The following MGAM variants were observed in gnomAD, a reference collection of about 807,000 sequenced individuals.
The protein encoded by MGAM is alpha-1,4-glucosidase.
Under a neutral mutation model 358.8 loss-of-function variants are expected in MGAM, and 253 were observed. That is an observed-to-expected ratio of 0.71 (90% CI 0.64 to 0.78). MGAM has a LOEUF of 0.78. Ranked by LOEUF, MGAM falls within the 30% of genes least tolerant of loss-of-function variation. The probability of loss-of-function intolerance (pLI) is 0.00; values close to 1 mark genes in which losing one functional copy is unlikely to be tolerated. For synonymous variants in MGAM, 1,105 were observed against 1,227.1 expected, an observed-to-expected ratio of 0.90 and a Z score of 2.08; for missense variants, 3,080 against 3,432.6, an observed-to-expected ratio of 0.90 and a Z score of 2.57.
chr7:141,993,480 G>C (rs1804030878), upstream of MGAM, among the ~76,000 whole-genome samples: 1 of 152,134 alleles, frequency 6.6e-6, no homozygotes. Flanking sequence ...TTCAATTTCT[G>C]TGCTTATTTT....
chr7:142,013,126 A>T (rs1584915611), intron 3 of MGAM, among the ~76,000 whole-genome samples: 2 of 150,240 alleles, frequency 1.3e-5, no homozygotes, highest in Non-Finnish European at 3.0e-5. Flanking sequence ...AGGAATGCTT[A>T]TTTTTTTTTT....
intron 34 of MGAM, among the ~76,000 whole-genome samples, chr7:142,061,189 C>T (rs1812161034): frequency 6.6e-6 from 1 of 152,166 alleles, no homozygotes; most frequent in Non-Finnish European, 1.5e-5. Flanking sequence ...CCGAGCAGTA[C>T]TTAGGGAAGT....
chr7:142,057,684 G>A (rs1189341446), intron 30 of MGAM, among the ~76,000 whole-genome samples: 1 of 151,986 alleles, frequency 6.6e-6, no homozygotes, highest in African/African-American at 2.4e-5. Flanking sequence ...TGATGACCAT[G>A]GTGGTCGTGG....
chr7:142,105,686 CT>C, intron 70 of MGAM, 127 bp from the exon 71 acceptor site: 1 of 668,708 alleles, frequency 1.5e-6, no homozygotes, highest in South Asian at 1.9e-5. Flanking sequence ...TGAAGGCAGT[CT>C]TTTAACTAGA....
chr7:142,045,295 A>G (rs1264380756), intron 21 of MGAM, among the ~76,000 whole-genome samples: 1 of 108,350 alleles, frequency 9.2e-6, no homozygotes, highest in African/African-American at 3.8e-5. Flanking sequence ...ATGATATATA[A>G]TATATATTAT....
chr7:142,008,365 T>G, intron 2 of MGAM, 141 bp from the exon 3 acceptor site: 1 of 870,334 alleles, frequency 1.1e-6, no homozygotes, highest in Non-Finnish European at 1.8e-6. Context: ...AAGTGACATT[T>G]TATAAAGTGA....
chr7:142,027,282 T>C, intron 9 of MGAM, 55 bp downstream of exon 9: 2 of 1,373,462 alleles, frequency 1.5e-6, no homozygotes, highest in Non-Finnish European at 2.1e-6. Context: ...GCAAATATTT[T>C]AAAAAAGTAA....
chr7:142,031,884 G>A, intron 13 of MGAM, 91 bp downstream of exon 13: 1 of 815,840 alleles, frequency 1.2e-6, no homozygotes, highest in Non-Finnish European at 2.0e-6. Flanking sequence ...CATAGGGAGA[G>A]GAGGAGGAGA....
intron 2 of MGAM, among the ~76,000 whole-genome samples, chr7:141,988,847 C>T (rs145849531): frequency 1.3e-5 from 2 of 152,270 alleles, no homozygotes; most frequent in Admixed American, 6.5e-5. Context: ...GTCCTGTGTA[C>T]ATTGTTTCCA....
At chr7:142,056,171 T>A in intron 29 of MGAM, 75 bp downstream of exon 29, 2 of 1,411,126 alleles carry the variant, frequency 1.4e-6, no homozygotes, top group Non-Finnish European at 9.7e-7. Context: ...GTGTTTAGCC[T>A]AACTGTTCCT....
At position 142,097,603 on chromosome 7, in the gene MGAM, A is replaced by C. The variant is rs769224377; in HGVS notation, c.7703A>C (p.Asn2568Thr). Residue 2568 changes from asparagine to threonine, a missense_variant, in exon 66 of 71, where the codon AAT (asparagine) becomes ACT (threonine). Physicochemically the swap from Asn to Thr is moderately conservative, Grantham distance 65. Coordinates refer to ENST00000475668, the MANE Select transcript of MGAM (RefSeq NM_001365693.1). ...VSPVLERNAR[N>T]VTAYFPRARW... ...TATGTTTCATTTTAGAATGCCAGAA[A>C]TGTCACTGCATATTTCCCTAGAGCC... 1 of 1,613,040 alleles carries C rather than the reference A, an allele frequency of 6.2e-7. No homozygotes were observed.
intron 21 of MGAM, among the ~76,000 whole-genome samples, chr7:142,047,021 C>T (rs564778713): frequency 2.6e-5 from 4 of 152,108 alleles, no homozygotes; most frequent in Non-Finnish European, 4.4e-5. Flanking sequence ...TAAAAACTAA[C>T]TTTCTTGCAT....
At chr7:142,088,142 C>T (rs1276762515) in intron 57 of MGAM, among the ~76,000 whole-genome samples, 2 of 146,204 alleles carry the variant, frequency 1.4e-5, no homozygotes, top group Admixed American at 6.9e-5. Flanking sequence ...ACTGCAAACA[C>T]GTGATGCATA....
chr7:142,041,730 T>G (rs911184596), intron 21 of MGAM, among the ~76,000 whole-genome samples: 1 of 149,618 alleles, frequency 6.7e-6, no homozygotes, highest in East Asian at 2.0e-4. Flanking sequence ...GCTTTTGCAC[T>G]TATCCTTTCC....
At chr7:142,002,487 A>C (rs1407342376) in intron 1 of MGAM, among the ~76,000 whole-genome samples, 1 of 152,162 alleles carries the variant, frequency 6.6e-6, no homozygotes, top group Non-Finnish European at 1.5e-5. Flanking sequence ...GATCATATCA[A>C]TAGATGCACA....
Position 142,034,810 on chromosome 7 carries a change from T to G in MGAM, c.1928T>G (p.Val643Gly), listed in dbSNP as rs1554465268. 18 of 1,612,874 alleles carry G rather than the reference T, an allele frequency of 1.1e-5. No individual in the cohort carries two copies. Among genetic ancestry groups the G allele is most frequent in the Non-Finnish European group, 1.5e-5 (18 of 1,179,150 alleles). Residue 643 changes from valine to glycine, a missense_variant, in exon 16 of 71, where the codon GTG becomes GGG. Val to Gly is a moderately radical substitution (Grantham distance 109, BLOSUM62 -3). This residue lies in a region of MGAM where 1,816 missense variants were observed against 1,840.5 expected (regional missense o/e 0.99). Transcript: ENST00000475668. Reference protein sequence around the residue: ...WDDLRWSIPGVLEFNLFGIPM... With the variant: ...WDDLRWSIPGGLEFNLFGIPM... ...GACCTGAGATGGTCCATCCCTGGCG[T>G]GCTTGAGTTCAACCTTTTTGGCATC...
chr7:142,031,918 C>G (rs1807535425), intron 13 of MGAM, 125 bp downstream of exon 13: 1 of 611,648 alleles, frequency 1.6e-6, no homozygotes, highest in Non-Finnish European at 2.9e-6. Context: ...AACAATCACT[C>G]TCAATATTCA....
chr7:142,015,850 G>A (rs1176849270), intron 3 of MGAM, among the ~76,000 whole-genome samples: 1 of 151,786 alleles, frequency 6.6e-6, no homozygotes, highest in Non-Finnish European at 1.5e-5. Context: ...TTCCAAGTTT[G>A]CTAAAAATTT....
chr7:142,102,069 A>G (rs567818255), intron 68 of MGAM, among the ~76,000 whole-genome samples: 28 of 152,306 alleles, frequency 1.8e-4, no homozygotes, highest in African/African-American at 6.0e-4. Flanking sequence ...GCTGAACTTC[A>G]TATTCTTCCT....
Sources: allele counts gnomAD v4.1 joint callset (sites outside exome capture counted in the v4.1 genomes callset), GRCh38; gene constraint gnomAD v4.1.1; regional missense constraint gnomAD v4.1.1; transcripts MANE v1.5; gene names NCBI Gene and HGNC (gene_info 2026-07-23, HGNC 2026-07-21).